Variants in PCDHA12 observed in about 807,000 individuals in gnomAD.
The protein encoded by PCDHA12 is protocadherin alpha 12.
In PCDHA12, 44 loss-of-function variants were observed where a neutral mutation model predicts 60.0. That is an observed-to-expected ratio of 0.73 (90% CI 0.58 to 0.94). The LOEUF is 0.94. Ranked by LOEUF, PCDHA12 falls within the 40% of genes least tolerant of loss-of-function variation. The probability of loss-of-function intolerance (pLI) is 0.00; values close to 1 mark genes in which losing one functional copy is unlikely to be tolerated. For missense variants in PCDHA12, 1,276 were observed against 1,239.7 expected (o/e 1.03, Z -0.44); for synonymous variants, 569 against 553.0 (o/e 1.03, Z -0.40).
intron 3 of PCDHA12, among the ~76,000 whole-genome samples, chr5:140,984,534 G>C (rs1261585417): frequency 6.6e-6 from 1 of 152,136 alleles, no homozygotes; most frequent in Non-Finnish European, 1.5e-5. Context: ...TTCATGGACT[G>C]TGCTGGATAG....
chr5:140,950,556 A>G (rs2094497175), intron 1 of PCDHA12, among the ~76,000 whole-genome samples: 2 of 152,036 alleles, frequency 1.3e-5, no homozygotes, highest in Non-Finnish European at 2.9e-5. Context: ...CTGGGGGGAC[A>G]CTTATTTTAA....
intron 1 of PCDHA12, among the ~76,000 whole-genome samples, chr5:140,922,711 A>G (rs2080951866): frequency 6.6e-6 from 1 of 152,270 alleles, no homozygotes; most frequent in Non-Finnish European, 1.5e-5. Flanking sequence ...GTCAAGAACA[A>G]AAAGAAACAC....
chr5:140,926,533 A>G (rs957359754), intron 1 of PCDHA12: 23 of 211,100 alleles, frequency 1.1e-4, no homozygotes, highest in East Asian at 3.3e-4. Context: ...GCCCGCAGCC[A>G]GCGTGGTGGT....
chr5:140,895,905 G>A (rs987746254), intron 1 of PCDHA12, among the ~76,000 whole-genome samples: 4 of 152,076 alleles, frequency 2.6e-5, no homozygotes, highest in Admixed American at 1.3e-4. Context: ...TCCGCGTCCC[G>A]GGCTCAACAA....
intron 1 of PCDHA12, chr5:140,969,353 C>T (rs781980010): frequency 3.7e-6 from 6 of 1,612,562 alleles, no homozygotes; most frequent in Non-Finnish European, 4.2e-6. Context: ...GTCAGGGGGT[C>T]TTCTACAAAC....
At chr5:140,905,878 C>T (rs1187937436) in intron 1 of PCDHA12, among the ~76,000 whole-genome samples, 2 of 152,054 alleles carry the variant, frequency 1.3e-5, no homozygotes, top group African/African-American at 2.4e-5. Flanking sequence ...CAAGGCCCAA[C>T]AATAGGCCAT....
At chr5:140,887,461 T>C (rs2061460929) in intron 1 of PCDHA12, among the ~76,000 whole-genome samples, 1 of 152,226 alleles carries the variant, frequency 6.6e-6, no homozygotes, top group African/African-American at 2.4e-5. Flanking sequence ...TTTTAAAAGA[T>C]ATAATTCAGT....
At chr5:140,934,563 T>A (rs1017456946) in intron 1 of PCDHA12, among the ~76,000 whole-genome samples, 1 of 152,212 alleles carries the variant, frequency 6.6e-6, no homozygotes, top group African/African-American at 2.4e-5. Flanking sequence ...TTCTTTTTTT[T>A]AATTAATTGT....
chr5:140,891,974 C>T (rs2063333007), intron 1 of PCDHA12, among the ~76,000 whole-genome samples: 1 of 152,170 alleles, frequency 6.6e-6, no homozygotes, highest in South Asian at 2.1e-4. Context: ...AATTTCCGTT[C>T]TCATAAATTA....
At position 140,877,498 on chromosome 5, in the gene PCDHA12, C is replaced by G; in HGVS notation, c.2026C>G (p.Pro676Ala). ...GTCGCTGGTGGAGAACGGCCAGGCC[C>G]CAAAGACGTCGTCGCGGGCCTCAGT... Reference protein sequence around the residue: ...LVSLVENGQAPKTSSRASVGA... With the variant: ...LVSLVENGQAAKTSSRASVGA... Residue 676 changes from proline to alanine, a missense_variant, in exon 1 of 4, where the codon CCA (proline) becomes GCA (alanine). By Grantham distance (27) the Pro-to-Ala change is conservative. Coordinates refer to ENST00000398631, the MANE Select transcript of PCDHA12 (RefSeq NM_018903.4). The G allele has an allele frequency of 6.2e-7, 1 of 1,613,844 alleles. No individual in the cohort carries two copies. The highest frequency in any genetic ancestry group is 8.5e-7 in the Non-Finnish European group (1 of 1,179,874).
At chr5:140,986,181 G>A (rs531382269) in intron 3 of PCDHA12, among the ~76,000 whole-genome samples, 1 of 152,152 alleles carries the variant, frequency 6.6e-6, no homozygotes, top group Admixed American at 6.6e-5. Flanking sequence ...AACAAGTCAG[G>A]CATTAAATTG....
intron 2 of PCDHA12, among the ~76,000 whole-genome samples, chr5:140,980,886 C>T (rs2096909899): frequency 6.6e-6 from 1 of 152,062 alleles, no homozygotes; most frequent in South Asian, 2.1e-4. Context: ...TCGGTCTTTC[C>T]AGTCTTGGAC....
chr5:140,929,428 G>A, intron 1 of PCDHA12: 1 of 1,491,484 alleles, frequency 6.7e-7, no homozygotes. Flanking sequence ...TTCATCAATT[G>A]AACTAAACAC....
At chr5:140,991,481 A>G (rs1272675537) in intron 3 of PCDHA12, among the ~76,000 whole-genome samples, 3 of 152,226 alleles carry the variant, frequency 2.0e-5, no homozygotes, top group Non-Finnish European at 2.9e-5. Flanking sequence ...TCTGGAAGTC[A>G]GAAGTCCACA....
intron 1 of PCDHA12, among the ~76,000 whole-genome samples, chr5:140,923,218 TCG>T (rs1584297306): frequency 7.4e-6 from 1 of 135,282 alleles, no homozygotes; most frequent in Non-Finnish European, 1.7e-5. Flanking sequence ...GGTGAAAGGA[TCG>T]TTTGAGCCCA....
Position 140,877,657 on chromosome 5 carries a change from G to A in PCDHA12, c.2185G>A (p.Val729Met). Residue 729 changes from valine (V) to methionine (M), a missense_variant, in exon 1 of 4, where the codon GTG (valine) becomes ATG (methionine). Physicochemically the swap from Val to Met is conservative, Grantham distance 21. Coordinates refer to ENST00000398631, the MANE Select transcript of PCDHA12 (RefSeq NM_018903.4). Reference protein sequence around the residue: ...TALRCSAPPTVSRCAPGKPTL... With the variant: ...TALRCSAPPTMSRCAPGKPTL... ...GCTGCGTTGCTCAGCGCCGCCCACC[G>A]TGAGCCGGTGCGCGCCGGGCAAGCC... The A allele has an allele frequency of 6.2e-7, 1 of 1,613,570 alleles. No homozygotes were observed. The highest frequency in any genetic ancestry group is 8.5e-7 in the Non-Finnish European group (1 of 1,179,784).
In PCDHA12 at chr5:140,875,735, C is replaced by A. The variant is rs376701509; in HGVS notation, c.263C>A (p.Ser88Tyr). The stretch of plus-strand genomic sequence containing the variant: ...CAGAATGGCATTTTGTTTGTGAATT[C>A]TCGGATCGACCGCGAGAAGCTGTGC... ...NLQNGILFVNSRIDREKLCGR... is the reference protein window; with the variant it reads ...NLQNGILFVNYRIDREKLCGR... Residue 88 changes from serine to tyrosine, a missense_variant, in exon 1 of 4, where the codon TCT becomes TAT. Coordinates refer to ENST00000398631, the MANE Select transcript of PCDHA12 (RefSeq NM_018903.4). 16 of 1,614,114 alleles carry A rather than the reference C, an allele frequency of 9.9e-6. No homozygotes were observed. In the Middle Eastern group the frequency reaches 4.9e-4, roughly 50 times the overall value.
intron 3 of PCDHA12, among the ~76,000 whole-genome samples, chr5:140,991,587 C>T (rs1469333893): frequency 1.3e-5 from 2 of 152,208 alleles, no homozygotes; most frequent in African/African-American, 2.4e-5. Flanking sequence ...CTTATTTCTA[C>T]CTGAGCCCTC....
rs1554244455 is a variant in PCDHA12 at position 140,982,542 on chromosome 5, A to G, written c.2494A>G (p.Thr832Ala). The G allele has an allele frequency of 1.9e-6, 3 of 1,614,210 alleles. No homozygotes were observed. The highest frequency in any genetic ancestry group is 2.2e-5 in the East Asian group (1 of 44,888). Residue 832 changes from threonine (T) to alanine (A), a missense_variant, in exon 3 of 4, where the codon ACA becomes GCA. Transcript: ENST00000398631. ...GPGGPDQQWP[T>A]VSSATPEPEA... ...AGGAGGGCCTGATCAGCAGTGGCCA[A>G]CAGTATCCAGTGCAACACCAGGTAA...
Sources: gnomAD v4.1 joint callset for allele counts (sites outside exome capture counted in the v4.1 genomes callset) on GRCh38, gnomAD v4.1.1 for gene constraint, MANE v1.5 for transcripts, NCBI Gene and HGNC (gene_info 2026-07-23, HGNC 2026-07-21) for gene names.